Variants in AFF2 observed in about 807,000 individuals in gnomAD.
AFF2 encodes the protein ALF transcription elongation factor 2.
A neutral mutation model predicts 76.9 loss-of-function variants in AFF2; 14 were observed. The ratio of observed to expected loss-of-function variants is 0.18; its 90% confidence interval spans 0.12 to 0.28. The LOEUF (loss-of-function observed/expected upper bound fraction) is 0.28. Among genes scored for constraint, AFF2 ranks in the 10% least tolerant of loss-of-function variants. The pLI is 1.00. For synonymous variants in AFF2, 398 were observed against 366.7 expected, an observed-to-expected ratio of 1.09 and a Z score of -0.98; for missense variants, 868 against 1,001.1, an observed-to-expected ratio of 0.87 and a Z score of 1.79.
chrX:148,980,633 G>A, intron 18 of AFF2, 105 bp from the exon 19 acceptor site: 1 of 603,449 alleles, frequency 1.7e-6, no homozygotes, highest in African/African-American at 2.2e-5. Context: ...CCGAAATGCT[G>A]CAATCAATAT....
At chrX:148,953,875 C>A (rs2072001601) in intron 10 of AFF2, 136 bp downstream of exon 10, 1 of 588,972 alleles carries the variant, frequency 1.7e-6, no homozygotes, top group African/African-American at 2.3e-5. Flanking sequence ...AGCATGATAA[C>A]CACTTCAGAA....
At chrX:148,942,964 G>A (rs2071858328) in intron 9 of AFF2, among the ~76,000 whole-genome samples, 1 of 112,010 alleles carries the variant, frequency 8.9e-6, no homozygotes, top group South Asian at 3.7e-4. Context: ...GAAGTTTCCA[G>A]TGGTGAGGAA....
intron 1 of AFF2, among the ~76,000 whole-genome samples, chrX:148,635,388 C>T (rs1252063025): frequency 9.0e-6 from 1 of 111,571 alleles, no homozygotes; most frequent in Non-Finnish European, 1.9e-5. Context: ...GGATTCTCCC[C>T]TGGAGCCTTC....
intron 1 of AFF2, among the ~76,000 whole-genome samples, chrX:148,584,081 T>A (rs934628257): frequency 8.9e-6 from 1 of 112,170 alleles, no homozygotes; most frequent in African/African-American, 3.2e-5. Flanking sequence ...AAAAGTTTTG[T>A]TTTTTCACCT....
At chrX:148,755,843 A>G (rs1186000248) in intron 3 of AFF2, among the ~76,000 whole-genome samples, 1 of 111,724 alleles carries the variant, frequency 9.0e-6, no homozygotes, top group African/African-American at 3.3e-5. Context: ...TGAAACAAAT[A>G]TGCTGTTGGT....
At chrX:148,888,751 G>C (rs1388546380) in intron 8 of AFF2, among the ~76,000 whole-genome samples, 1 of 111,734 alleles carries the variant, frequency 8.9e-6, no homozygotes, top group African/African-American at 3.3e-5. Flanking sequence ...TAGGTGTGGT[G>C]TCTCATTTGA....
chrX:148,640,255 C>A (rs1557254479), intron 1 of AFF2, among the ~76,000 whole-genome samples: 1 of 112,638 alleles, frequency 8.9e-6, no homozygotes, highest in African/African-American at 3.2e-5. Flanking sequence ...TTCATTAGAA[C>A]AGAAGAAAAC....
chrX:148,561,489 T>G (rs1373039856), intron 1 of AFF2, among the ~76,000 whole-genome samples: 1 of 112,144 alleles, frequency 8.9e-6, no homozygotes, highest in African/African-American at 3.2e-5. Context: ...AGAGATGATA[T>G]TTTGCTGAGT....
rs1460217166 is a variant in AFF2, at chrX:148,666,804, A to G, written c.1041+4036A>G. Among the ~76,000 whole-genome samples the G allele has an allele frequency of 3.6e-5, 4 of 111,457 alleles. No homozygotes were observed. In the East Asian group the frequency reaches 8.4e-4, roughly 24 times the overall value. ...GGTTGCTTGCAGATGGTGCTTTATT[A>G]GGAAATGAATTTGTTAATAAACGTA... On this transcript the variant is annotated intron_variant, in intron 3 of 20. Transcript: ENST00000370460.
At chrX:148,603,308 G>C (rs1419096399) in intron 1 of AFF2, among the ~76,000 whole-genome samples, 1 of 111,397 alleles carries the variant, frequency 9.0e-6, no homozygotes, top group African/African-American at 3.3e-5. Context: ...AGTCAGTAAG[G>C]GGCGACTGAG....
chrX:148,710,432 G>T (rs1557262812), intron 3 of AFF2, among the ~76,000 whole-genome samples: 1 of 111,424 alleles, frequency 9.0e-6, no homozygotes, highest in African/African-American at 3.3e-5. Context: ...TTAGACAAAT[G>T]GAAACATTTA....
At chrX:148,596,933 G>A (rs782018098) in intron 1 of AFF2, among the ~76,000 whole-genome samples, 26 of 111,519 alleles carry the variant, frequency 2.3e-4, no homozygotes, top group Admixed American at 9.5e-5. Context: ...CACTACTAAG[G>A]AACAACTCAA....
chrX:148,571,503 A>C (rs2053229066), intron 1 of AFF2, among the ~76,000 whole-genome samples: 1 of 111,543 alleles, frequency 9.0e-6, no homozygotes, highest in Non-Finnish European at 1.9e-5. Flanking sequence ...TCAGTGGGAA[A>C]ACAGATGGAA....
intron 1 of AFF2, among the ~76,000 whole-genome samples, chrX:148,505,104 A>G (rs956913712): frequency 6.3e-5 from 7 of 111,713 alleles, no homozygotes; most frequent in African/African-American, 2.3e-4. Context: ...GAGACTGCCT[A>G]TGGTCTGTTT....
intron 1 of AFF2, among the ~76,000 whole-genome samples, chrX:148,559,242 G>A (rs949344790): frequency 3.6e-5 from 4 of 111,362 alleles, no homozygotes; most frequent in African/African-American, 6.5e-5. Context: ...AAATCAAGAC[G>A]CATGCAGAAA....
chrX:148,992,173 A>G lies in AFF2; in HGVS notation c.*841A>G, dbSNP rs1213753439. ...TGCATGCCTTAGTAGCCAAAATGCT[A>G]CACTCTAGACTTACAAGTGGGAGTT... On this transcript the variant is annotated 3_prime_UTR_variant, in exon 21 of 21. Transcript: ENST00000370460. 1.8e-5 allele frequency: 2 copies of G among 112,122 alleles called. No homozygotes were observed. Among genetic ancestry groups the G allele is most frequent in the African/African-American group, 6.5e-5 (2 of 30,808 alleles). The allele number at this position is 112,122 out of a possible 1,213,427, so 9.2% of individuals were successfully genotyped here. A position where few individuals can be genotyped will look rare whatever the true frequency, so the allele number is the denominator to read the frequency against.
intron 3 of AFF2, among the ~76,000 whole-genome samples, chrX:148,756,441 CT>C (rs1380298306): frequency 1.1e-4 from 12 of 112,189 alleles, no homozygotes; most frequent in African/African-American, 3.9e-4. Flanking sequence ...GAATTCTGAA[CT>C]TTATGATTTT....
chrX:148,538,073 A>G (rs1557236867), intron 1 of AFF2, among the ~76,000 whole-genome samples: 1 of 112,511 alleles, frequency 8.9e-6, no homozygotes, highest in African/African-American at 3.2e-5. Flanking sequence ...CATTAGACCA[A>G]CCTTCTACGT....
At chrX:148,856,333 A>G (rs960632291) in intron 7 of AFF2, among the ~76,000 whole-genome samples, 1 of 112,305 alleles carries the variant, frequency 8.9e-6, no homozygotes, top group African/African-American at 3.2e-5. Flanking sequence ...CTAATTGACT[A>G]TTTACAACCC....
Sources: gnomAD v4.1 joint callset for allele counts (sites outside exome capture counted in the v4.1 genomes callset) on GRCh38, gnomAD v4.1.1 for gene constraint, MANE v1.5 for transcripts, NCBI Gene and HGNC (gene_info 2026-07-23, HGNC 2026-07-21) for gene names.